The following KCNQ3 variants were observed in gnomAD, a reference collection of about 807,000 sequenced individuals.
KCNQ3 encodes the protein potassium voltage-gated channel subfamily KQT member 3.
In KCNQ3, 30 loss-of-function variants were observed where a neutral mutation model predicts 92.5. The observed-to-expected ratio is 0.32, with a 90% CI of 0.24 to 0.44. The LOEUF (loss-of-function observed/expected upper bound fraction) is 0.44. Among genes scored for constraint, KCNQ3 ranks in the 20% least tolerant of loss-of-function variants. The probability of loss-of-function intolerance (pLI) is 1.00; values close to 1 mark genes in which losing one functional copy is unlikely to be tolerated. For missense variants in KCNQ3, 913 were observed against 1,140.3 expected, an observed-to-expected ratio of 0.80 and a Z score of 2.87; for synonymous variants, 450 against 468.8, an observed-to-expected ratio of 0.96 and a Z score of 0.52.
chr8:132,363,630 T>C (rs1261965330), intron 1 of KCNQ3, among the ~76,000 whole-genome samples: 1 of 152,072 alleles, frequency 6.6e-6, no homozygotes. Flanking sequence ...CAAGCAGTGA[T>C]CTGATTCTGT....
At chr8:132,375,149 C>T (rs1225150664) in intron 1 of KCNQ3, among the ~76,000 whole-genome samples, 1 of 151,830 alleles carries the variant, frequency 6.6e-6, no homozygotes, top group African/African-American at 2.4e-5. Flanking sequence ...ATAAGAAATC[C>T]CAAAGAACTT....
chr8:132,360,072 G>C (rs528553118), intron 1 of KCNQ3, among the ~76,000 whole-genome samples: 1 of 152,294 alleles, frequency 6.6e-6, no homozygotes, highest in East Asian at 1.9e-4. Context: ...TATGGCCTCA[G>C]ATTTTAGGAC....
At chr8:132,133,958 G>A (rs1316955655) in intron 13 of KCNQ3, among the ~76,000 whole-genome samples, 1 of 152,142 alleles carries the variant, frequency 6.6e-6, no homozygotes, top group East Asian at 1.9e-4. Context: ...GAATGCTCTG[G>A]GTTCTGCTGA....
At chr8:132,141,996 C>T (rs1825312574) in intron 9 of KCNQ3, among the ~76,000 whole-genome samples, 1 of 152,182 alleles carries the variant, frequency 6.6e-6, no homozygotes, top group Admixed American at 6.5e-5. Flanking sequence ...AATTTTATAT[C>T]CTGTTATTTC....
At chr8:132,288,667 T>C (rs767765429) in intron 1 of KCNQ3, among the ~76,000 whole-genome samples, 3 of 152,208 alleles carry the variant, frequency 2.0e-5, no homozygotes, top group Non-Finnish European at 2.9e-5. Flanking sequence ...ACCTCTTTCA[T>C]AGGGCAGTGC....
At chr8:132,237,354 G>GATTCT (rs1814850222) in intron 1 of KCNQ3, among the ~76,000 whole-genome samples, 3 of 152,158 alleles carry the variant, frequency 2.0e-5, no homozygotes, top group African/African-American at 7.2e-5. Context: ...TCAGTGCTGT[G>GATTCT]CATATAATAT....
At chr8:132,280,132 A>C (rs1320456797) in intron 1 of KCNQ3, among the ~76,000 whole-genome samples, 1 of 152,178 alleles carries the variant, frequency 6.6e-6, no homozygotes, top group Non-Finnish European at 1.5e-5. Context: ...GTAATGAACA[A>C]TAAGCAAATA....
At chr8:132,189,598 A>G (rs1827095607) in intron 1 of KCNQ3, among the ~76,000 whole-genome samples, 1 of 152,148 alleles carries the variant, frequency 6.6e-6, no homozygotes, top group African/African-American at 2.4e-5. Flanking sequence ...AGGCTGAAGC[A>G]GGTGGATCGC....
intron 1 of KCNQ3, among the ~76,000 whole-genome samples, chr8:132,435,359 G>A (rs956300189): frequency 4.6e-5 from 7 of 152,190 alleles, no homozygotes; most frequent in African/African-American, 1.2e-4. Flanking sequence ...CAGAGCCACC[G>A]TGCCAGCCGA....
chr8:132,353,096 G>C (rs1321107480), intron 1 of KCNQ3, among the ~76,000 whole-genome samples: 1 of 152,140 alleles, frequency 6.6e-6, no homozygotes, highest in Non-Finnish European at 1.5e-5. Context: ...CATGGTGGTG[G>C]GCGCCTGTAA....
intron 1 of KCNQ3, among the ~76,000 whole-genome samples, chr8:132,196,080 T>C (rs1827290727): frequency 6.6e-6 from 1 of 152,174 alleles, no homozygotes; most frequent in Non-Finnish European, 1.5e-5. Context: ...TCATTCTTTC[T>C]CCCTCCAGTC....
At chr8:132,370,343 A>G (rs1226027852) in intron 1 of KCNQ3, among the ~76,000 whole-genome samples, 1 of 152,192 alleles carries the variant, frequency 6.6e-6, no homozygotes, top group East Asian at 1.9e-4. Context: ...AGCAATTGAA[A>G]CTTCTTGCAG....
At chr8:132,350,383 T>C (rs1433935031) in intron 1 of KCNQ3, among the ~76,000 whole-genome samples, 1 of 152,176 alleles carries the variant, frequency 6.6e-6, no homozygotes, top group Non-Finnish European at 1.5e-5. Context: ...CTTCCCTTTG[T>C]TCTAGTCTTC....
intron 1 of KCNQ3, among the ~76,000 whole-genome samples, chr8:132,402,313 G>T (rs1422935988): frequency 5.9e-5 from 9 of 152,144 alleles, no homozygotes; most frequent in South Asian, 4.1e-4. Context: ...ACTGCATTGT[G>T]TCTGGTGGCA....
At chr8:132,335,552 G>A (rs1818346456) in intron 1 of KCNQ3, among the ~76,000 whole-genome samples, 2 of 152,158 alleles carry the variant, frequency 1.3e-5, no homozygotes, top group South Asian at 2.1e-4. Flanking sequence ...GGAATTAGAG[G>A]GTGACGGTAC....
At chr8:132,389,965 C>G (rs1820005966) in intron 1 of KCNQ3, among the ~76,000 whole-genome samples, 1 of 152,154 alleles carries the variant, frequency 6.6e-6, no homozygotes, top group African/African-American at 2.4e-5. Context: ...CCAAAAAGCA[C>G]ATACAAAAAC....
intron 1 of KCNQ3, among the ~76,000 whole-genome samples, chr8:132,385,998 A>G (rs964610351): frequency 1.3e-5 from 2 of 152,182 alleles, no homozygotes; most frequent in Non-Finnish European, 2.9e-5. Context: ...CAAAGTACCA[A>G]AGAAAAAGTA....
At chr8:132,404,643 A>AG (rs1385111222) in intron 1 of KCNQ3, among the ~76,000 whole-genome samples, 1 of 152,114 alleles carries the variant, frequency 6.6e-6, no homozygotes, top group East Asian at 1.9e-4. Context: ...TGACATAGCC[A>AG]ACTCCTTGCA....
intron 9 of KCNQ3, among the ~76,000 whole-genome samples, chr8:132,142,689 A>G (rs1825333701): frequency 6.6e-6 from 1 of 152,174 alleles, no homozygotes; most frequent in African/African-American, 2.4e-5. Context: ...AATAAATGAG[A>G]GAGTGAATGA....
Sources: allele counts gnomAD v4.1 joint callset (sites outside exome capture counted in the v4.1 genomes callset), GRCh38; gene constraint gnomAD v4.1.1; transcripts MANE v1.5; gene names NCBI Gene and HGNC (gene_info 2026-07-23, HGNC 2026-07-21).